The following SH3PXD2B variants were observed in gnomAD, a reference collection of about 807,000 sequenced individuals.
SH3PXD2B encodes the protein SH3 and PX domains 2B.
SH3PXD2B carries 37 observed loss-of-function variants against 73.1 expected under a neutral mutation model. The observed-to-expected ratio is 0.51, with a 90% CI of 0.39 to 0.67. SH3PXD2B has a LOEUF of 0.67. SH3PXD2B is among the 30% of genes least tolerant of loss of function. The probability of loss-of-function intolerance (pLI) is 0.00; values close to 1 mark genes in which losing one functional copy is unlikely to be tolerated. For synonymous variants in SH3PXD2B, 457 were observed against 480.5 expected, an observed-to-expected ratio of 0.95 and a Z score of 0.64; for missense variants, 1,053 against 1,197.8, an observed-to-expected ratio of 0.88 and a Z score of 1.78.
intron 1 of SH3PXD2B, among the ~76,000 whole-genome samples, chr5:172,427,798 G>A (rs1385665747): frequency 6.8e-6 from 1 of 147,394 alleles, no homozygotes; most frequent in Non-Finnish European, 1.5e-5. Flanking sequence ...TTTTTTTTGA[G>A]ATGGAGTCTT....
chr5:172,423,598 T>C (rs1759027166), intron 1 of SH3PXD2B, among the ~76,000 whole-genome samples: 1 of 150,546 alleles, frequency 6.6e-6, no homozygotes, highest in Admixed American at 6.6e-5. Context: ...AGGGAGAACA[T>C]GTGACTTGAG....
chr5:172,432,039 G>A (rs1759259190), intron 1 of SH3PXD2B, among the ~76,000 whole-genome samples: 1 of 152,110 alleles, frequency 6.6e-6, no homozygotes, highest in Admixed American at 6.6e-5. Context: ...CACCCAGGCG[G>A]GTGGGCGCCT....
chr5:172,423,007 T>TG (rs1759007767), intron 1 of SH3PXD2B, among the ~76,000 whole-genome samples: 2 of 152,228 alleles, frequency 1.3e-5, no homozygotes, highest in African/African-American at 2.4e-5. Context: ...TAACAGCACC[T>TG]GCTTCCTCTG....
At chr5:172,406,553 C>G (rs1758563198) in intron 2 of SH3PXD2B, among the ~76,000 whole-genome samples, 1 of 152,206 alleles carries the variant, frequency 6.6e-6, no homozygotes, top group African/African-American at 2.4e-5. Context: ...TTTATATCCA[C>G]AGCCGCCAGA....
intron 1 of SH3PXD2B, among the ~76,000 whole-genome samples, chr5:172,432,533 C>T (rs923983597): frequency 8.5e-5 from 13 of 152,110 alleles, no homozygotes; most frequent in Admixed American, 2.6e-4. Context: ...TGCCCATGTC[C>T]GAAAATGCCC....
chr5:172,338,281 C>T lies in SH3PXD2B; in HGVS notation c.*88G>A, dbSNP rs571942947. On this transcript the variant is annotated 3_prime_UTR_variant, in exon 13 of 13. Transcript: ENST00000311601. The surrounding 1 kb of genome is among the most constrained non-coding windows in gnomAD (Gnocchi z 5.1). The stretch of plus-strand genomic sequence containing the variant: ...CAGAGTCTGTCTGCCTTGGAAGCTG[C>T]GTGGAGAATGATAAATTAAGAGGCG... 1.4e-5 allele frequency: 23 copies of T among 1,607,940 alleles called. No individual in the cohort carries two copies. Among genetic ancestry groups the T allele is most frequent in the Middle Eastern group, 2.2e-4 (1 of 4,556 alleles).
In SH3PXD2B at chr5:172,421,505, T is replaced by C. The variant is rs1307407776; in HGVS notation, c.156+911A>G. Among the ~76,000 whole-genome samples the C allele has an allele frequency of 1.3e-5, 2 of 152,282 alleles. No homozygotes were observed. The highest frequency in any genetic ancestry group is 1.5e-5 in the Non-Finnish European group (1 of 68,032). On this transcript the variant is annotated intron_variant, in intron 2 of 12. Coordinates refer to ENST00000311601, the MANE Select transcript of SH3PXD2B (RefSeq NM_001017995.3). The surrounding 1 kb of genome is among the most constrained non-coding windows in gnomAD (Gnocchi z 4.0). ...AGAAAGATGTGGTTCTGGCCCACAATAGTCACAGTCTAGGCAGGGAGACAG... is the reference window on the plus strand; with the variant it reads ...AGAAAGATGTGGTTCTGGCCCACAACAGTCACAGTCTAGGCAGGGAGACAG...
At chr5:172,326,769 T>C (rs1437957918) in intron 12 of SH3PXD2B, among the ~76,000 whole-genome samples, 1 of 152,170 alleles carries the variant, frequency 6.6e-6, no homozygotes. Flanking sequence ...GTTTTGCCCC[T>C]TGGTTTGCAA....
intron 3 of SH3PXD2B, among the ~76,000 whole-genome samples, chr5:172,405,260 A>G (rs1297298364): frequency 6.6e-6 from 1 of 152,262 alleles, no homozygotes; most frequent in Non-Finnish European, 1.5e-5. Context: ...ACTTTCTAAA[A>G]TATCCCCCAA....
Position 172,437,801 on chromosome 5 carries a change from G to A in SH3PXD2B, c.76-15305C>T, listed in dbSNP as rs556040330. Reference sequence around the variant, plus strand: ...CTACTGCACTCTGTCCACAGGGCACGCAGCGAAGGCTCAGGTGGCTGGTTG... The same window carrying A: ...CTACTGCACTCTGTCCACAGGGCACACAGCGAAGGCTCAGGTGGCTGGTTG... On this transcript the variant is annotated intron_variant, in intron 1 of 12. Coordinates refer to ENST00000311601, the MANE Select transcript of SH3PXD2B (RefSeq NM_001017995.3). 3.3e-5 allele frequency among the ~76,000 whole-genome samples: 5 copies of A among 152,316 alleles called. No individual in the cohort carries two copies. In the East Asian group the frequency reaches 5.8e-4, roughly 18 times the overall value.
intron 1 of SH3PXD2B, among the ~76,000 whole-genome samples, chr5:172,437,541 T>A (rs1187447148): frequency 6.6e-6 from 1 of 152,214 alleles, no homozygotes; most frequent in Admixed American, 6.5e-5. Flanking sequence ...CTTCACTTTC[T>A]TCTCCCAGCA....
Position 172,339,662 on chromosome 5 carries a change from C to A in SH3PXD2B, c.1443G>T (p.Gly481=), listed in dbSNP as rs1388191416. Residue 481 remains glycine (G), a synonymous_variant, in exon 13 of 13, where the codon GGG becomes GGT. Transcript: ENST00000311601. This position sits in a 1 kb window ranked among gnomAD's most constrained non-coding sequence, Gnocchi z 6.1. ...PDAPHGVMDS[G]LPWSKDWKGS... Reference sequence around the variant, plus strand: ...CCTTCCAGTCTTTAGACCATGGCAACCCCGAGTCCATGACACCATGCGGTG... The same window carrying A: ...CCTTCCAGTCTTTAGACCATGGCAAACCCGAGTCCATGACACCATGCGGTG... The A allele has an allele frequency of 3.7e-6, 6 of 1,614,130 alleles. No individual in the cohort carries two copies. The highest frequency in any genetic ancestry group is 5.1e-6 in the Non-Finnish European group (6 of 1,180,056).
chr5:172,367,615 A>G (rs569875300), intron 6 of SH3PXD2B, among the ~76,000 whole-genome samples: 26 of 152,186 alleles, frequency 1.7e-4, no homozygotes, highest in African/African-American at 5.8e-4. Context: ...TTTCTTCTAT[A>G]GTAATAGAAT....
At chr5:172,409,524 A>G (rs4867673) in intron 2 of SH3PXD2B, among the ~76,000 whole-genome samples, 56,474 of 151,866 alleles carry the variant, frequency 0.37, 11,092 homozygotes, top group East Asian at 0.7. Flanking sequence ...CCTCTGTGCT[A>G]CTTTTCACTT....
chr5:172,336,064 G>C lies in SH3PXD2B; in HGVS notation c.*2305C>G. ...GCAAGAGAGAAACTCCTTCAGTGAA[G>C]TCAGCAGACAGGACTCAAAGCTCTT... On this transcript the variant is annotated 3_prime_UTR_variant, in exon 13 of 13. Coordinates refer to ENST00000311601, the MANE Select transcript of SH3PXD2B (RefSeq NM_001017995.3). 1.0e-6 allele frequency: 1 copy of C among 991,052 alleles called. No individual in the cohort carries two copies. Among genetic ancestry groups the C allele is most frequent in the Non-Finnish European group, 1.2e-6 (1 of 833,964 alleles). The allele number at this position is 991,052 out of a possible 1,614,324, so 61.4% of individuals were successfully genotyped here.
chr5:172,446,531 A>G (rs1026851023), intron 1 of SH3PXD2B, among the ~76,000 whole-genome samples: 5 of 152,220 alleles, frequency 3.3e-5, no homozygotes, highest in Non-Finnish European at 7.3e-5. Context: ...TCTCCGAGGA[A>G]AAAAGGATGC....
intron 4 of SH3PXD2B, among the ~76,000 whole-genome samples, chr5:172,385,050 C>A (rs1758029520): frequency 1.3e-5 from 2 of 152,160 alleles, no homozygotes; most frequent in South Asian, 4.1e-4. Flanking sequence ...GCAGGCCCTT[C>A]CCTCCCTCAC....
At position 172,373,831 on chromosome 5, in the gene SH3PXD2B, A is replaced by C. The variant is rs1182186374; in HGVS notation, c.402-16T>G. 6 of 1,613,832 alleles carry C rather than the reference A, an allele frequency of 3.7e-6. No individual in the cohort carries two copies. Among genetic ancestry groups the C allele is most frequent in the East Asian group, 2.2e-5 (1 of 44,900 alleles). ...AATGTGCTCCCTGTACAGGAAAGAA[A>C]GGGGGTGGGAAGAGTAACGAGTCAG... On this transcript the variant is annotated splice_polypyrimidine_tract_variant and intron_variant, in intron 5 of 12. Coordinates refer to ENST00000311601, the MANE Select transcript of SH3PXD2B (RefSeq NM_001017995.3).
Position 172,337,507 on chromosome 5 carries a change from A to G in SH3PXD2B, c.*862T>C. 1 of 985,542 alleles carries G rather than the reference A, an allele frequency of 1.0e-6. No individual in the cohort carries two copies. Among genetic ancestry groups the G allele is most frequent in the Non-Finnish European group, 1.2e-6 (1 of 829,992 alleles). The allele number at this position is 985,542 out of a possible 1,614,324, so 61.0% of individuals were successfully genotyped here. A position where few individuals can be genotyped will look rare whatever the true frequency, so the allele number is the denominator to read the frequency against. On this transcript the variant is annotated 3_prime_UTR_variant, in exon 13 of 13. Coordinates refer to ENST00000311601, the MANE Select transcript of SH3PXD2B (RefSeq NM_001017995.3). ...TTGGCACCCACGAGGCACTCAGCAA[A>G]GGGGTGCTCACAAGGGCACGACTTG...
Sources: gnomAD v4.1 joint callset for allele counts (sites outside exome capture counted in the v4.1 genomes callset) on GRCh38, gnomAD v4.1.1 for gene constraint, Gnocchi (gnomAD v3.1) non-coding constraint, MANE v1.5 for transcripts, NCBI Gene and HGNC (gene_info 2026-07-23, HGNC 2026-07-21) for gene names.